Variants in ZNRF1 observed in about 807,000 individuals in gnomAD.
ZNRF1 encodes the protein E3 ubiquitin-protein ligase ZNRF1.
Under a neutral mutation model 18.4 loss-of-function variants are expected in ZNRF1, and 3 were observed. That is an observed-to-expected ratio of 0.16 (90% confidence interval 0.07 to 0.42). The LOEUF is 0.42. ZNRF1 is among the 10% of genes least tolerant of loss of function. ZNRF1 has a pLI of 0.99. For missense variants in ZNRF1, 310 were observed against 329.8 expected (o/e 0.94, Z 0.47); for synonymous variants, 157 against 144.2 (o/e 1.09, Z -0.64).
At chr16:75,093,752 G>A (rs1203882349) in intron 2 of ZNRF1, 85 bp downstream of exon 2, 6 of 1,098,108 alleles carry the variant, frequency 5.5e-6, no homozygotes, top group East Asian at 2.4e-5. Flanking sequence ...AGTCGAGGGT[G>A]GTTCTGGGCA....
At chr16:75,029,603 C>CA (rs112283983) in intron 1 of ZNRF1, among the ~76,000 whole-genome samples, 1 of 151,150 alleles carries the variant, frequency 6.6e-6, no homozygotes, top group African/African-American at 2.4e-5. Context: ...CCCATCTCTA[C>CA]AAAAAAAATA....
chr16:75,096,060 A>ATGTGTGTGTGTGTGTG (rs1567494278), intron 2 of ZNRF1, among the ~76,000 whole-genome samples: 4 of 86,090 alleles, frequency 4.6e-5, no homozygotes, highest in African/African-American at 2.3e-4. Flanking sequence ...GTATGTGTGC[A>ATGTGTGTGTGTGTGTG]CGTGTGTGTG....
At chr16:75,045,779 G>A (rs2035507436) in intron 1 of ZNRF1, among the ~76,000 whole-genome samples, 1 of 148,156 alleles carries the variant, frequency 6.7e-6, no homozygotes, top group Non-Finnish European at 1.5e-5. Context: ...GCAGTGGCAT[G>A]ATCATGGCTC....
intron 1 of ZNRF1, among the ~76,000 whole-genome samples, chr16:75,073,303 G>A (rs1287249788): frequency 6.6e-6 from 1 of 151,566 alleles, no homozygotes; most frequent in Non-Finnish European, 1.5e-5. Context: ...ATTAATAGCT[G>A]TTGTTTTTCC....
At chr16:75,098,207 G>T (rs546258071) in intron 2 of ZNRF1, among the ~76,000 whole-genome samples, 1 of 152,390 alleles carries the variant, frequency 6.6e-6, no homozygotes, top group South Asian at 2.1e-4. Context: ...TGCCAGACTG[G>T]CCGCTGCTGG....
chr16:75,026,204 T>A (rs1488209934), intron 1 of ZNRF1, among the ~76,000 whole-genome samples: 1 of 152,206 alleles, frequency 6.6e-6, no homozygotes, highest in Non-Finnish European at 1.5e-5. Context: ...CTCATCTGTG[T>A]TTAAACGAAC....
At chr16:75,041,701 T>C (rs989474353) in intron 1 of ZNRF1, among the ~76,000 whole-genome samples, 60 of 152,158 alleles carry the variant, frequency 3.9e-4, no homozygotes, top group African/African-American at 1.4e-3. Context: ...AATTCACTTA[T>C]CTTTTTTGGT....
At position 75,095,860 on chromosome 16, in the gene ZNRF1, C is replaced by T. The variant is rs1381951390; in HGVS notation, c.520+2193C>T. 2.9e-6 allele frequency: 3 copies of T among 1,017,412 alleles called. No individual in the cohort carries two copies. In the African/African-American group the frequency reaches 4.8e-5, roughly 16 times the overall value. The allele number at this position is 1,017,412 out of a possible 1,614,324, so 63.0% of individuals were successfully genotyped here. ...TGCCTGGCGCTGTTGGTTTACCCCC[C>T]TACACCCCACCACCGGCAGCCTCAC... On this transcript the variant is annotated intron_variant, in intron 2 of 4. Transcript: ENST00000335325.
chr16:75,073,870 C>T (rs1009420551), intron 1 of ZNRF1, among the ~76,000 whole-genome samples: 3 of 152,082 alleles, frequency 2.0e-5, no homozygotes, highest in African/African-American at 7.2e-5. Flanking sequence ...GGATCATAGA[C>T]TAGGGAACTT....
At chr16:75,004,873 C>G (rs983944710) in intron 1 of ZNRF1, among the ~76,000 whole-genome samples, 2 of 152,280 alleles carry the variant, frequency 1.3e-5, no homozygotes, top group Admixed American at 6.5e-5. Context: ...ACCTCAACCT[C>G]CCAAGGTATT....
intron 2 of ZNRF1, among the ~76,000 whole-genome samples, chr16:75,096,319 C>G (rs1220763694): frequency 2.0e-5 from 3 of 152,086 alleles, no homozygotes; most frequent in Non-Finnish European, 4.4e-5. Context: ...GACCCTAAAC[C>G]TTCCAGGTAA....
At chr16:75,087,681 T>C (rs955774141) in intron 1 of ZNRF1, among the ~76,000 whole-genome samples, 2 of 152,204 alleles carry the variant, frequency 1.3e-5, no homozygotes, top group African/African-American at 4.8e-5. Flanking sequence ...ATTCGTTCCT[T>C]CCTCATCTGA....
At chr16:75,039,292 T>A (rs1259151447) in intron 1 of ZNRF1, among the ~76,000 whole-genome samples, 6 of 152,194 alleles carry the variant, frequency 3.9e-5, no homozygotes, top group South Asian at 2.1e-4. Context: ...TTTTTTTTAA[T>A]GTGGAAGCAT....
intron 1 of ZNRF1, among the ~76,000 whole-genome samples, chr16:75,091,179 C>T (rs1415961289): frequency 6.6e-6 from 1 of 151,952 alleles, no homozygotes; most frequent in Non-Finnish European, 1.5e-5. Flanking sequence ...GCCAATGTGG[C>T]GAAACCTAGT....
chr16:75,087,468 ACT>A (rs1381175492), intron 1 of ZNRF1, among the ~76,000 whole-genome samples: 2 of 152,136 alleles, frequency 1.3e-5, no homozygotes, highest in South Asian at 2.1e-4. Context: ...GGCTGATCCA[ACT>A]CTCTGCTCAG....
chr16:75,110,568 C>G lies in ZNRF1; in HGVS notation c.*2868C>G, dbSNP rs1036568344. The G allele has an allele frequency of 6.6e-6, 1 of 152,172 alleles. No individual in the cohort carries two copies. The highest frequency in any genetic ancestry group is 1.5e-5 in the Non-Finnish European group (1 of 68,024). 9.4% of individuals were successfully genotyped at this position (152,172 alleles called of 1,614,324 possible). On this transcript the variant is annotated 3_prime_UTR_variant, in exon 5 of 5. Coordinates refer to ENST00000335325, the MANE Select transcript of ZNRF1 (RefSeq NM_032268.5). ...ATGTGTAATTTAATTCCAAATAGTT[C>G]CCCCCAAAATACACAAAGCAAATAA...
intron 1 of ZNRF1, among the ~76,000 whole-genome samples, chr16:75,040,042 CTTTTTTTTTTTT>C (rs57122648): frequency 8.9e-5 from 7 of 78,890 alleles, no homozygotes; most frequent in African/African-American, 3.3e-4. Flanking sequence ...TCTTTTCTTT[CTTTTTTTTTTTT>C]TTTTTTTTTT....
chr16:75,083,583 T>C (rs1486124456), intron 1 of ZNRF1, among the ~76,000 whole-genome samples: 2 of 152,170 alleles, frequency 1.3e-5, no homozygotes, highest in Non-Finnish European at 2.9e-5. Flanking sequence ...CACAGTATTA[T>C]TAGATTATCA....
rs2036336652 is a variant in ZNRF1, at chr16:75,107,866, C to T, written c.*166C>T. The T allele has an allele frequency of 4.4e-6, 2 of 452,200 alleles. No individual in the cohort carries two copies. Among genetic ancestry groups the T allele is most frequent in the South Asian group, 3.1e-5 (2 of 64,234 alleles). 28.0% of individuals were successfully genotyped at this position (452,200 alleles called of 1,614,324 possible). On this transcript the variant is annotated 3_prime_UTR_variant, in exon 5 of 5. Transcript: ENST00000335325. ...ATGGTTCTCCCTTCCTCCCTGAGGA[C>T]ACCAAATTGGATGAGAGCAAGTTTG...
Sources: allele counts gnomAD v4.1 joint callset (sites outside exome capture counted in the v4.1 genomes callset), GRCh38; gene constraint gnomAD v4.1.1; transcripts MANE v1.5; gene names NCBI Gene and HGNC (gene_info 2026-07-23, HGNC 2026-07-21).